Variants in RIMS2 observed in about 807,000 individuals in gnomAD.
RIMS2 encodes regulating synaptic membrane exocytosis protein 2.
Under a neutral mutation model 174.4 loss-of-function variants are expected in RIMS2, and 59 were observed. The ratio of observed to expected loss-of-function variants is 0.34; its 90% CI spans 0.27 to 0.42. RIMS2 has a LOEUF of 0.42. Ranked by LOEUF, RIMS2 falls within the 10% of genes least tolerant of loss-of-function variation. RIMS2 has a pLI of 1.00. For synonymous variants in RIMS2, 606 were observed against 572.5 expected (o/e 1.06, Z -0.84); for missense variants, 1,620 against 1,666.3 (o/e 0.97, Z 0.48).
intron 19 of RIMS2, among the ~76,000 whole-genome samples, chr8:104,169,393 T>C (rs1285319541): frequency 6.7e-6 from 1 of 149,988 alleles, no homozygotes; most frequent in Non-Finnish European, 1.5e-5. Flanking sequence ...TTTCTGTCTC[T>C]TCCTATTTAA....
chr8:104,003,880 C>G (rs958703214), intron 17 of RIMS2, among the ~76,000 whole-genome samples: 13 of 151,992 alleles, frequency 8.6e-5, no homozygotes. Flanking sequence ...GAGAAAAAAG[C>G]AAAAGAGAGA....
chr8:103,819,739 C>T, intron 3 of RIMS2: 1 of 732,502 alleles, frequency 1.4e-6, no homozygotes, highest in Middle Eastern at 3.9e-4. Context: ...AAGGTGTTAT[C>T]TGTTTACTGT....
At chr8:103,569,330 A>C (rs1475024514) in intron 1 of RIMS2, among the ~76,000 whole-genome samples, 2 of 152,156 alleles carry the variant, frequency 1.3e-5, no homozygotes, top group Non-Finnish European at 2.9e-5. Flanking sequence ...TTTGTCAAAA[A>C]TCAATTTGTC....
rs571387114 is a variant in RIMS2 at position 103,682,083 on chromosome 8, A to C, written c.177-15003A>C. 5.3e-5 allele frequency among the ~76,000 whole-genome samples: 8 copies of C among 152,078 alleles called. No individual in the cohort carries two copies. The East Asian group carries it at 1.5e-3, about 29-fold the overall frequency. ...ATTTTACTGATATGGGGAACAATGGAAGGGAATCTGGTTTGCGTAGGAAAA... is the reference window on the plus strand; with the variant it reads ...ATTTTACTGATATGGGGAACAATGGCAGGGAATCTGGTTTGCGTAGGAAAA... On this transcript the variant is annotated intron_variant, in intron 1 of 23. Coordinates refer to ENST00000504942, the Ensembl canonical transcript of RIMS2.
downstream of RIMS2, chr8:104,254,158 T>C (rs1162459945): frequency 6.6e-6 from 1 of 152,070 alleles, no homozygotes; most frequent in African/African-American, 2.4e-5. Flanking sequence ...GACTACGGAA[T>C]ATTTGTACAT....
At chr8:103,798,548 G>T (rs1295142977) in intron 3 of RIMS2, among the ~76,000 whole-genome samples, 1 of 152,056 alleles carries the variant, frequency 6.6e-6, no homozygotes, top group Admixed American at 6.6e-5. Flanking sequence ...TCAGTTTATG[G>T]CACTTCGGTG....
intron 19 of RIMS2, among the ~76,000 whole-genome samples, chr8:104,142,985 A>C (rs531973785): frequency 2.0e-5 from 3 of 152,350 alleles, no homozygotes; most frequent in African/African-American, 7.2e-5. Flanking sequence ...CAGTTTTTAC[A>C]TACTCTTCAA....
At chr8:103,751,914 G>A (rs1457979450) in intron 2 of RIMS2, among the ~76,000 whole-genome samples, 3 of 151,978 alleles carry the variant, frequency 2.0e-5, no homozygotes, top group Non-Finnish European at 4.4e-5. Context: ...TCACTCTGAT[G>A]GTAGTTTCTT....
At chr8:103,714,188 C>T (rs1590942535) in intron 2 of RIMS2, among the ~76,000 whole-genome samples, 1 of 152,196 alleles carries the variant, frequency 6.6e-6, no homozygotes, top group South Asian at 2.1e-4. Context: ...CATAATGGGT[C>T]AGTGAATTAA....
intron 19 of RIMS2, among the ~76,000 whole-genome samples, chr8:104,072,160 C>T (rs1028329318): frequency 1.1e-4 from 17 of 152,164 alleles, no homozygotes; most frequent in African/African-American, 4.8e-5. Context: ...ATCTCCCCAT[C>T]ATCTGAGGTT....
chr8:104,085,647 C>A (rs1025978330), intron 19 of RIMS2, among the ~76,000 whole-genome samples: 4 of 152,142 alleles, frequency 2.6e-5, no homozygotes, highest in African/African-American at 9.7e-5. Context: ...CCATTCATAA[C>A]CCCCGATAGC....
At chr8:103,812,055 A>G (rs774084645) in intron 3 of RIMS2, among the ~76,000 whole-genome samples, 1 of 152,216 alleles carries the variant, frequency 6.6e-6, no homozygotes, top group South Asian at 2.1e-4. Context: ...TCAGTCCCTA[A>G]GAAATGCTAT....
intron 13 of RIMS2, among the ~76,000 whole-genome samples, chr8:103,940,612 C>T (rs1246537962): frequency 1.3e-5 from 2 of 151,904 alleles, no homozygotes; most frequent in Admixed American, 6.6e-5. Context: ...AACTAAAAAC[C>T]CTTCTGTATT....
At chr8:103,890,635 C>G (rs1298176959) in intron 4 of RIMS2, among the ~76,000 whole-genome samples, 1 of 151,892 alleles carries the variant, frequency 6.6e-6, no homozygotes, top group Non-Finnish European at 1.5e-5. Context: ...CTTTCCCATA[C>G]TTTCTGTTCG....
At chr8:103,851,644 TACACACACACACACACACACACAC>T (rs10529078) in intron 3 of RIMS2, among the ~76,000 whole-genome samples, 8 of 136,530 alleles carry the variant, frequency 5.9e-5, no homozygotes, top group Non-Finnish European at 7.9e-5. Context: ...GAATGCTATG[TACACACACACACACACACACACAC>T]ACACACACAC....
chr8:103,547,528 G>A (rs1464756819), intron 1 of RIMS2, among the ~76,000 whole-genome samples: 4 of 152,180 alleles, frequency 2.6e-5, no homozygotes, highest in Non-Finnish European at 5.9e-5. Context: ...AGGGAAGTTT[G>A]TAGTGCTAAA....
chr8:103,885,589 G>T (rs1332019071), exon 4 of RIMS2: 1 of 1,612,966 alleles, frequency 6.2e-7, no homozygotes, highest in South Asian at 1.1e-5. Flanking sequence ...AAGAGTACCA[G>T]TCACGCTACC....
At chr8:104,119,471 C>T (rs1599332634) in intron 19 of RIMS2, among the ~76,000 whole-genome samples, 1 of 152,088 alleles carries the variant, frequency 6.6e-6, no homozygotes, top group Non-Finnish European at 1.5e-5. Context: ...TAGCAAAAGA[C>T]ACTTTGCCCA....
In RIMS2 at chr8:103,529,963, A is replaced by G. The variant is rs926145971; in HGVS notation, c.176+28901A>G. Among the ~76,000 whole-genome samples the G allele has an allele frequency of 2.6e-5, 4 of 152,336 alleles. No homozygotes were observed. In the East Asian group the frequency reaches 7.7e-4, roughly 29 times the overall value. On this transcript the variant is annotated intron_variant, in intron 1 of 23. Coordinates refer to ENST00000504942, the Ensembl canonical transcript of RIMS2. ...CTAACTGTACTAAAGAGCGTTCTTC[A>G]GTTAGAAGGAAAATGGTCTCAGACA...
Sources: gnomAD v4.1 joint callset for allele counts (sites outside exome capture counted in the v4.1 genomes callset) on GRCh38, gnomAD v4.1.1 for gene constraint, MANE v1.5 for transcripts, NCBI Gene and HGNC (gene_info 2026-07-23, HGNC 2026-07-21) for gene names.